The following FHOD3 variants were observed in gnomAD, a reference collection of about 807,000 sequenced individuals.
FHOD3 encodes the protein formin homology 2 domain containing 3, also known as FH1/FH2 domain-containing protein 3.
FHOD3 carries 90 observed loss-of-function variants against 173.0 expected under a neutral mutation model. That is an observed-to-expected ratio of 0.52 (90% confidence interval 0.44 to 0.62). FHOD3 has a LOEUF of 0.62. Ranked by LOEUF, FHOD3 falls within the 20% of genes least tolerant of loss-of-function variation. The pLI is 0.00. For synonymous variants in FHOD3, 828 were observed against 823.0 expected (o/e 1.01, Z -0.10); for missense variants, 1,945 against 2,034.7 (o/e 0.96, Z 0.85).
At chr18:36,486,803 C>T (rs9960045) in intron 3 of FHOD3, among the ~76,000 whole-genome samples, 7,091 of 152,276 alleles carry the variant, frequency 0.047, 494 homozygotes, top group African/African-American at 0.16. Flanking sequence ...TGTATTTTCC[C>T]TATCAATCTC....
At chr18:36,365,286 C>A (rs1388035602) in intron 2 of FHOD3, among the ~76,000 whole-genome samples, 1 of 152,142 alleles carries the variant, frequency 6.6e-6, no homozygotes, top group Non-Finnish European at 1.5e-5. Flanking sequence ...AAAATTAAAG[C>A]CTTTTGCATC....
At chr18:36,309,934 C>T (rs2092211212) in intron 1 of FHOD3, among the ~76,000 whole-genome samples, 1 of 152,198 alleles carries the variant, frequency 6.6e-6, no homozygotes, top group South Asian at 2.1e-4. Flanking sequence ...GGCATTTGGG[C>T]CTCCGTCTCA....
intron 14 of FHOD3, among the ~76,000 whole-genome samples, chr18:36,667,816 G>A (rs777063240): frequency 6.6e-6 from 1 of 152,136 alleles, no homozygotes; most frequent in African/African-American, 2.4e-5. Context: ...GTGCTACAAT[G>A]TTATGATGGC....
At position 36,652,553 on chromosome 18, in the gene FHOD3, C is replaced by T. The variant is rs2036134137; in HGVS notation, c.1287-17C>T. ...ATCTTTTTTTCTTCTTCCTCCTCCTCCCTGCTGGCCCAACAGCAAGGTCGG... is the reference window on the plus strand; with the variant it reads ...ATCTTTTTTTCTTCTTCCTCCTCCTTCCTGCTGGCCCAACAGCAAGGTCGG... On this transcript the variant is annotated splice_polypyrimidine_tract_variant and intron_variant, in intron 11 of 28. Coordinates refer to ENST00000590592, the MANE Select transcript of FHOD3 (RefSeq NM_001281740.3). 6.6e-7 allele frequency: 1 copy of T among 1,514,380 alleles called. No homozygotes were observed. The highest frequency in any genetic ancestry group is 8.8e-7 in the Non-Finnish European group (1 of 1,133,902). 93.8% of individuals were successfully genotyped at this position (1,514,380 alleles called of 1,614,324 possible). A position where few individuals can be genotyped will look rare whatever the true frequency, so the allele number is the denominator to read the frequency against.
At chr18:36,559,366 G>A (rs1051433801) in intron 5 of FHOD3, among the ~76,000 whole-genome samples, 1 of 152,176 alleles carries the variant, frequency 6.6e-6, no homozygotes, top group East Asian at 1.9e-4. Context: ...ACTGAGCAGC[G>A]GGACCGGTGA....
chr18:36,485,400 G>T (rs2054141901), intron 3 of FHOD3, among the ~76,000 whole-genome samples: 1 of 152,178 alleles, frequency 6.6e-6, no homozygotes, highest in Admixed American at 6.5e-5. Context: ...GGGAGGGAGG[G>T]AGAGTGAGCA....
At chr18:36,770,410 G>A (rs764867870) in intron 28 of FHOD3, among the ~76,000 whole-genome samples, 2 of 152,306 alleles carry the variant, frequency 1.3e-5, no homozygotes, top group South Asian at 2.1e-4. Context: ...TGTGGCCTGT[G>A]TATGTTGGAC....
At chr18:36,306,891 T>A (rs1357499834) in intron 1 of FHOD3, among the ~76,000 whole-genome samples, 2 of 152,204 alleles carry the variant, frequency 1.3e-5, no homozygotes, top group Non-Finnish European at 2.9e-5. Context: ...TAGGAGCACC[T>A]CCTGACTTCT....
In FHOD3 at chr18:36,297,775, G is replaced by A. The variant is rs2091831738; in HGVS notation, c.-61G>A. The A allele has an allele frequency of 2.8e-6, 4 of 1,408,142 alleles. No homozygotes were observed. The South Asian group carries it at 5.8e-5, about 20-fold the overall frequency. The allele number at this position is 1,408,142 out of a possible 1,614,324, so 87.2% of individuals were successfully genotyped here. A position where few individuals can be genotyped will look rare whatever the true frequency, so the allele number is the denominator to read the frequency against. ...GGCCTCCCCTGCGCGCAGCTACCCGGGCGTCCCGGCCCGCGGCCCCGCTAA... is the reference window on the plus strand; with the variant it reads ...GGCCTCCCCTGCGCGCAGCTACCCGAGCGTCCCGGCCCGCGGCCCCGCTAA... On this transcript the variant is annotated 5_prime_UTR_variant, in exon 1 of 29. Coordinates refer to ENST00000590592, the MANE Select transcript of FHOD3 (RefSeq NM_001281740.3).
At chr18:36,529,254 T>G (rs527411377) in intron 5 of FHOD3, among the ~76,000 whole-genome samples, 1 of 152,324 alleles carries the variant, frequency 6.6e-6, no homozygotes, top group South Asian at 2.1e-4. Context: ...TGCAAATTCC[T>G]TATCAGACTG....
intron 1 of FHOD3, among the ~76,000 whole-genome samples, chr18:36,350,950 T>G (rs1365162049): frequency 6.6e-6 from 1 of 152,222 alleles, no homozygotes; most frequent in Non-Finnish European, 1.5e-5. Flanking sequence ...TAGGGACTTT[T>G]GCTGTTTTCA....
chr18:36,541,602 A>G (rs2057223529), intron 5 of FHOD3, among the ~76,000 whole-genome samples: 1 of 152,220 alleles, frequency 6.6e-6, no homozygotes, highest in African/African-American at 2.4e-5. Context: ...AAAATCTAGA[A>G]CAAGATATAA....
At chr18:36,455,679 G>A (rs753228078) in intron 3 of FHOD3, among the ~76,000 whole-genome samples, 5 of 151,784 alleles carry the variant, frequency 3.3e-5, no homozygotes, top group East Asian at 1.9e-4. Context: ...AATATAAACC[G>A]TGCTATGGGC....
intron 17 of FHOD3, among the ~76,000 whole-genome samples, chr18:36,701,946 A>T (rs1180599250): frequency 6.6e-6 from 1 of 152,216 alleles, no homozygotes; most frequent in East Asian, 1.9e-4. Flanking sequence ...GAACCTCTGG[A>T]AAATCAAACT....
At chr18:36,415,485 C>T (rs1000466195) in intron 3 of FHOD3, among the ~76,000 whole-genome samples, 9 of 152,244 alleles carry the variant, frequency 5.9e-5, no homozygotes, top group East Asian at 1.9e-4. Context: ...CTTGTCAGCA[C>T]GCAAGGATTT....
chr18:36,779,423 G>A, intron 28 of FHOD3, 25 bp from the exon 29 acceptor site: 2 of 1,611,920 alleles, frequency 1.2e-6, no homozygotes, highest in Non-Finnish European at 1.7e-6. Context: ...CATCCCTTTG[G>A]GTGTGACCTG....
At chr18:36,339,941 C>G (rs1320373417) in intron 1 of FHOD3, among the ~76,000 whole-genome samples, 1 of 152,086 alleles carries the variant, frequency 6.6e-6, no homozygotes, top group Middle Eastern at 3.4e-3. Context: ...ATGCATAAAC[C>G]CTGTTCTTAT....
intron 12 of FHOD3, 110 bp downstream of exon 12, chr18:36,653,039 G>T: frequency 2.2e-6 from 3 of 1,387,036 alleles, no homozygotes; most frequent in Admixed American, 5.5e-5. Flanking sequence ...GTGGATTTCA[G>T]CCCAAGCAGG....
intron 8 of FHOD3, among the ~76,000 whole-genome samples, chr18:36,610,541 G>A (rs570365669): frequency 1.3e-5 from 2 of 152,100 alleles, no homozygotes; most frequent in East Asian, 1.9e-4. Context: ...TGTCCTTATC[G>A]GGGCCTTGAA....
Sources: allele counts gnomAD v4.1 joint callset (sites outside exome capture counted in the v4.1 genomes callset), GRCh38; gene constraint gnomAD v4.1.1; transcripts MANE v1.5; gene names NCBI Gene and HGNC (gene_info 2026-07-23, HGNC 2026-07-21).